SPTAN1: variants seen among roughly 807,000 people sequenced by gnomAD.
SPTAN1 encodes spectrin alpha, non-erythrocytic 1, also known as spectrin alpha chain, non-erythrocytic 1.
SPTAN1 carries 61 observed loss-of-function variants against 331.3 expected under a neutral mutation model. The ratio of observed to expected loss-of-function variants is 0.18; its 90% CI spans 0.15 to 0.23. The LOEUF is 0.23. Among genes scored for constraint, SPTAN1 ranks in the 10% least tolerant of loss-of-function variants. The probability of loss-of-function intolerance (pLI) is 1.00; values close to 1 mark genes in which losing one functional copy is unlikely to be tolerated. For synonymous variants in SPTAN1, 1,153 were observed against 1,173.9 expected (o/e 0.98, Z 0.36); for missense variants, 2,043 against 3,147.9 (o/e 0.65, Z 8.40).
intron 45 of SPTAN1, 59 bp downstream of exon 45, chr9:128,621,315 C>A: frequency 6.9e-7 from 1 of 1,453,300 alleles, no homozygotes; most frequent in Non-Finnish European, 9.6e-7. Context: ...CGTGTTGGTA[C>A]CACAGAGGTC....
intron 22 of SPTAN1, among the ~76,000 whole-genome samples, chr9:128,592,040 C>A (rs1412139205): frequency 6.6e-6 from 1 of 152,110 alleles, no homozygotes; most frequent in Non-Finnish European, 1.5e-5. Flanking sequence ...TGTCCTCTTT[C>A]CTCTAGCTGA....
intron 48 of SPTAN1, 129 bp downstream of exon 48, chr9:128,626,107 G>A: frequency 2.5e-6 from 3 of 1,194,542 alleles, no homozygotes; most frequent in Non-Finnish European, 3.5e-6. Context: ...TCAAACATGG[G>A]TGTGGCTGGC....
In SPTAN1 at chr9:128,632,882, A is replaced by T. The variant is rs768195496; in HGVS notation, c.7235A>T (p.Glu2412Val). The T allele has an allele frequency of 1.2e-5, 19 of 1,613,894 alleles. No individual in the cohort carries two copies. The highest frequency in any genetic ancestry group is 1.7e-6 in the Non-Finnish European group (2 of 1,180,040). Residue 2412 changes from glutamate to valine, a missense_variant, in exon 56 of 57, where the codon GAG becomes GTG. Glu to Val is a moderately radical substitution (Grantham distance 121, BLOSUM62 -2). Coordinates refer to ENST00000372739, the MANE Select transcript of SPTAN1 (RefSeq NM_001130438.3). ...SRETENVKSS[E>V]EIESAFRALS... is the part of the protein sequence containing the mutation. ...GAAACTGAGAACGTCAAGTCCAGCG[A>T]GGAGATTGAGAGCGCCTTCCGGGCC...
chr9:128,556,388 C>T (rs1243264437), intron 1 of SPTAN1, among the ~76,000 whole-genome samples: 1 of 151,932 alleles, frequency 6.6e-6, no homozygotes, highest in African/African-American at 2.4e-5. Flanking sequence ...AAATCCAAGG[C>T]AGGCCTTTTT....
intron 42 of SPTAN1, 33 bp from the exon 43 acceptor site, chr9:128,617,954 C>T (rs770356488): frequency 2.5e-6 from 4 of 1,614,030 alleles, no homozygotes; most frequent in Middle Eastern, 1.6e-4. Context: ...AGAAGAGCTA[C>T]CTGCTGTTAA....
At chr9:128,620,897 C>T (rs1333603404) in intron 44 of SPTAN1, among the ~76,000 whole-genome samples, 2 of 152,140 alleles carry the variant, frequency 1.3e-5, no homozygotes, top group African/African-American at 2.4e-5. Flanking sequence ...GGGTTTGACC[C>T]TTCCCAAAGG....
intron 21 of SPTAN1, among the ~76,000 whole-genome samples, chr9:128,589,913 C>T (rs143698001): frequency 6.6e-6 from 1 of 152,318 alleles, no homozygotes; most frequent in East Asian, 1.9e-4. Context: ...AGCTACATCT[C>T]AGCCCAGCAG....
chr9:128,591,070 T>C (rs907892127), intron 21 of SPTAN1, among the ~76,000 whole-genome samples: 2 of 151,380 alleles, frequency 1.3e-5, no homozygotes, highest in African/African-American at 4.8e-5. Flanking sequence ...TTTGGACCTT[T>C]TTTTTTTATG....
intron 5 of SPTAN1, among the ~76,000 whole-genome samples, chr9:128,576,254 C>G (rs1851293025): frequency 6.6e-6 from 1 of 152,088 alleles, no homozygotes; most frequent in Non-Finnish European, 1.5e-5. Flanking sequence ...AAAGAAATGT[C>G]TCTAAGCTTG....
intron 9 of SPTAN1, among the ~76,000 whole-genome samples, chr9:128,579,375 C>G (rs560001826): frequency 6.6e-6 from 1 of 152,264 alleles, no homozygotes; most frequent in Admixed American, 6.5e-5. Flanking sequence ...AAAGAGAGCT[C>G]AGACCCATGT....
chr9:128,633,610 T>G lies in SPTAN1; in HGVS notation c.*276T>G. 8.5e-7 allele frequency: 1 copy of G among 1,170,574 alleles called. No individual in the cohort carries two copies. The allele number at this position is 1,170,574 out of a possible 1,614,324, so 72.5% of individuals were successfully genotyped here. A position where few individuals can be genotyped will look rare whatever the true frequency, so the allele number is the denominator to read the frequency against. ...CCTCCCCTTGTTCTCTCTCCCACCC[T>G]CCCCCAAATCTGTTTTCATGTAAAA... is the stretch of plus-strand genomic sequence containing the variant. On this transcript the variant is annotated 3_prime_UTR_variant, in exon 57 of 57. Transcript: ENST00000372739.
chr9:128,629,288 G>C lies in SPTAN1; in HGVS notation c.6708-1033G>C, dbSNP rs1859287688. On this transcript the variant is annotated intron_variant, in intron 51 of 56. Transcript: ENST00000372739. This position sits in a 1 kb window ranked among gnomAD's most constrained non-coding sequence, Gnocchi z 4.9. ...CCTGACTAACCTGCCGCCCTCGGCT[G>C]CTTGGGAAGGAGGGGTCTGTCCTCC... 1 of 395,450 alleles carries C rather than the reference G, an allele frequency of 2.5e-6. No individual in the cohort carries two copies. Among genetic ancestry groups the C allele is most frequent in the South Asian group, 1.3e-4 (1 of 7,508 alleles). The allele number at this position is 395,450 out of a possible 1,614,324, so 24.5% of individuals were successfully genotyped here. A position where few individuals can be genotyped will look rare whatever the true frequency, so the allele number is the denominator to read the frequency against.
At chr9:128,561,015 CAAAAA>C (rs10648319) in intron 1 of SPTAN1, among the ~76,000 whole-genome samples, 15 of 60,312 alleles carry the variant, frequency 2.5e-4, no homozygotes, top group South Asian at 1.6e-3. Context: ...GACCCCATCT[CAAAAA>C]AAAAAAAAAA....
rs748606170 is a variant in SPTAN1 at position 128,585,929 on chromosome 9, C to A, written c.2742C>A (p.Gly914=). The A allele has an allele frequency of 6.2e-7, 1 of 1,613,168 alleles. No individual in the cohort carries two copies. Among genetic ancestry groups the A allele is most frequent in the Non-Finnish European group, 8.5e-7 (1 of 1,180,006 alleles). The change falls in exon 19 of 57, where the codon GGC becomes GGA. Residue 914 remains glycine (G), a synonymous_variant. Coordinates refer to ENST00000372739, the MANE Select transcript of SPTAN1 (RefSeq NM_001130438.3). ...SWMREKEPIV[G]STDYGKDEDS... ...TGCGGGAGAAGGAACCCATTGTGGG[C>A]AGCACTGACTATGGCAAGGACGAAG...
intron 24 of SPTAN1, among the ~76,000 whole-genome samples, chr9:128,594,788 T>G (rs1854012338): frequency 6.7e-6 from 1 of 149,614 alleles, no homozygotes; most frequent in Admixed American, 6.7e-5. Context: ...TAGATTATAT[T>G]CCATCATGTA....
At chr9:128,607,533 C>T in intron 31 of SPTAN1, 71 bp from the exon 32 acceptor site, 2 of 1,306,592 alleles carry the variant, frequency 1.5e-6, no homozygotes, top group Non-Finnish European at 2.2e-6. Context: ...ATGTCATTCT[C>T]TGTTTTCCTG....
intron 1 of SPTAN1, among the ~76,000 whole-genome samples, chr9:128,565,902 G>T (rs1305192730): frequency 6.6e-6 from 1 of 152,182 alleles, no homozygotes; most frequent in African/African-American, 2.4e-5. Flanking sequence ...AGAGCACGTC[G>T]TTTTTCCTGA....
In SPTAN1 at chr9:128,632,121, C is replaced by A. The variant is rs543227930; in HGVS notation, c.6763-6C>A. ...GTCTGAGCATCTGTGCTCCCCACCC[C>A]TGCAGCGCAAGCACCAGGAAATCCG... On this transcript the variant is annotated splice_region_variant and splice_polypyrimidine_tract_variant and intron_variant, in intron 52 of 56. Transcript: ENST00000372739. 6.6e-5 allele frequency: 107 copies of A among 1,612,896 alleles called. 1 individual carries two copies. The South Asian group carries it at 1.1e-3, about 17-fold the overall frequency.
chr9:128,606,499 G>GGT (rs200321068), intron 31 of SPTAN1, among the ~76,000 whole-genome samples: 1 of 145,410 alleles, frequency 6.9e-6, no homozygotes, highest in Non-Finnish European at 1.5e-5. Flanking sequence ...TTTTTTTTTG[G>GGT]GGGGGGAAGC....
Sources: gnomAD v4.1 joint callset for allele counts (sites outside exome capture counted in the v4.1 genomes callset) on GRCh38, gnomAD v4.1.1 for gene constraint, Gnocchi (gnomAD v3.1) non-coding constraint, MANE v1.5 for transcripts, NCBI Gene and HGNC (gene_info 2026-07-23, HGNC 2026-07-21) for gene names.